Variants in CAMK2B observed in about 807,000 individuals in gnomAD.
The protein encoded by CAMK2B is calcium/calmodulin-dependent protein kinase type II subunit beta.
A neutral mutation model predicts 93.7 loss-of-function variants in CAMK2B; 27 were observed. That is an observed-to-expected ratio of 0.29 (90% CI 0.21 to 0.40). The LOEUF is 0.40. Among genes scored for constraint, CAMK2B ranks in the 10% least tolerant of loss-of-function variants. CAMK2B has a pLI of 1.00. For missense variants in CAMK2B, 568 were observed against 895.8 expected (o/e 0.63, Z 4.67); for synonymous variants, 374 against 358.8 (o/e 1.04, Z -0.48).
chr7:44,306,276 C>T (rs79936478), intron 1 of CAMK2B, among the ~76,000 whole-genome samples: 13,441 of 152,104 alleles, frequency 0.088, 810 homozygotes, highest in Non-Finnish European at 0.12. Flanking sequence ...TGGGAAGTTC[C>T]CCCTTCCAGG....
chr7:44,234,245 G>T lies in CAMK2B; in HGVS notation c.1131+145C>A, dbSNP rs914686257. 1.2e-5 allele frequency: 8 copies of T among 679,916 alleles called. No individual in the cohort carries two copies. In the African/African-American group the frequency reaches 1.5e-4, roughly 12 times the overall value. The allele number at this position is 679,916 out of a possible 1,614,324, so 42.1% of individuals were successfully genotyped here. A position where few individuals can be genotyped will look rare whatever the true frequency, so the allele number is the denominator to read the frequency against. ...TCTCTCCACTTCACCACCGGTGAGGGATGAGGGGCGGGGGCCATGCGAGTG... is the reference window on the plus strand; with the variant it reads ...TCTCTCCACTTCACCACCGGTGAGGTATGAGGGGCGGGGGCCATGCGAGTG... On this transcript the variant is annotated intron_variant, in intron 15 of 23. Transcript: ENST00000395749.
At chr7:44,263,157 C>T in intron 2 of CAMK2B, 93 bp from the exon 3 acceptor site, 1 of 1,218,114 alleles carries the variant, frequency 8.2e-7, no homozygotes. Context: ...AAGGGTGTGC[C>T]AGGGCCTCTG....
chr7:44,281,508 C>T (rs923455100), intron 2 of CAMK2B, among the ~76,000 whole-genome samples: 2 of 152,148 alleles, frequency 1.3e-5, no homozygotes, highest in Non-Finnish European at 2.9e-5. Flanking sequence ...AGAGGCAGCT[C>T]GGATCCTGTG....
At chr7:44,282,177 C>T (rs2097107448) in intron 2 of CAMK2B, among the ~76,000 whole-genome samples, 1 of 152,204 alleles carries the variant, frequency 6.6e-6, no homozygotes, top group Non-Finnish European at 1.5e-5. Context: ...ACCCAGAGAC[C>T]CACAGGAACT....
At chr7:44,282,735 G>A (rs902474903) in intron 2 of CAMK2B, among the ~76,000 whole-genome samples, 6 of 152,256 alleles carry the variant, frequency 3.9e-5, no homozygotes, top group African/African-American at 1.4e-4. Context: ...AAATGGCACA[G>A]GCCCGCCCCC....
rs1584905297 is a variant in CAMK2B, at chr7:44,312,967, G to T, written c.65+12390C>A. On this transcript the variant is annotated intron_variant, in intron 1 of 23. Transcript: ENST00000395749. This position sits in a 1 kb window ranked among gnomAD's most constrained non-coding sequence, Gnocchi z 4.1. ...GGTGGTAGGCAGTGGGCCCAGGACA[G>T]CTGGGTCCCCAGCTCTGTCGAAGGA... Among the ~76,000 whole-genome samples the T allele has an allele frequency of 6.6e-6, 1 of 152,236 alleles. No homozygotes were observed. The highest frequency in any genetic ancestry group is 2.4e-5 in the African/African-American group (1 of 41,538).
chr7:44,307,873 AT>A (rs201376130), intron 1 of CAMK2B, among the ~76,000 whole-genome samples: 23 of 150,878 alleles, frequency 1.5e-4, no homozygotes, highest in African/African-American at 4.4e-4. Context: ...GGTTTTGGCC[AT>A]TTTTTTTTAA....
In CAMK2B at chr7:44,220,164, G is replaced by A. The variant is rs56387313; in HGVS notation, c.1899C>T (p.Arg633=). 1.8e-4 allele frequency: 297 copies of A among 1,611,442 alleles called. 1 individual carries two copies. The East Asian group carries it at 5.3e-3, about 29-fold the overall frequency. ...TQYIDGQGRP[R]TSQSEETRVW... is the part of the protein sequence containing the mutation. ...CGCGGGTCTCCTCAGACTGGCTGGTGCGGGGCCGGCCCTGCCCGTCAATGT... is the reference window on the plus strand; with the variant it reads ...CGCGGGTCTCCTCAGACTGGCTGGTACGGGGCCGGCCCTGCCCGTCAATGT... Residue 633 remains arginine, a synonymous_variant, in exon 23 of 24, where the codon CGC becomes CGT. Transcript: ENST00000395749.
At position 44,286,790 on chromosome 7, in the gene CAMK2B, C is replaced by T. The variant is rs1584622587; in HGVS notation, c.66-2565G>A. On this transcript the variant is annotated intron_variant, in intron 1 of 23. Coordinates refer to ENST00000395749, the MANE Select transcript of CAMK2B (RefSeq NM_001220.5). This position sits in a 1 kb window ranked among gnomAD's most constrained non-coding sequence, Gnocchi z 4.0. ...GGGCAGGGAACACAGGTAAGACTGC[C>T]AGAGCCAGGGGGCCAAGGCCAGGCA... is the stretch of plus-strand genomic sequence containing the variant. 6.6e-6 allele frequency among the ~76,000 whole-genome samples: 1 copy of T among 152,202 alleles called. No homozygotes were observed. The highest frequency in any genetic ancestry group is 1.9e-4 in the East Asian group (1 of 5,180).
chr7:44,222,471 T>C (rs1411701754), intron 20 of CAMK2B, among the ~76,000 whole-genome samples: 1 of 152,002 alleles, frequency 6.6e-6, no homozygotes. Context: ...AGTCTCACTC[T>C]GTCACCCGGG....
At chr7:44,262,283 C>T (rs1019116296) in intron 3 of CAMK2B, among the ~76,000 whole-genome samples, 18 of 152,336 alleles carry the variant, frequency 1.2e-4, no homozygotes, top group African/African-American at 3.8e-4. Flanking sequence ...CACCTGACAG[C>T]TCCCCAGGTG....
chr7:44,324,441 C>T (rs1796955927), intron 1 of CAMK2B, among the ~76,000 whole-genome samples: 1 of 152,176 alleles, frequency 6.6e-6, no homozygotes, highest in Non-Finnish European at 1.5e-5. Context: ...AGACAGGAGG[C>T]CCCTGAGGCG....
chr7:44,282,304 G>A (rs144613326), intron 2 of CAMK2B, among the ~76,000 whole-genome samples: 1,912 of 152,262 alleles, frequency 0.013, 24 homozygotes, highest in Non-Finnish European at 0.021. Context: ...ACCCCACCAC[G>A]GGCTGGGCCC....
At chr7:44,269,014 C>T (rs1027997432) in intron 2 of CAMK2B, among the ~76,000 whole-genome samples, 20 of 152,192 alleles carry the variant, frequency 1.3e-4, no homozygotes, top group African/African-American at 4.1e-4. Flanking sequence ...TCCTGCCACG[C>T]CACCCTCATC....
Position 44,228,842 on chromosome 7 carries a change from G to A in CAMK2B, c.1422C>T (p.Pro474=), listed in dbSNP as rs1164943152. 6.7e-7 allele frequency: 1 copy of A among 1,502,026 alleles called. No homozygotes were observed. The highest frequency in any genetic ancestry group is 1.4e-5 in the African/African-American group (1 of 71,336). The allele number at this position is 1,502,026 out of a possible 1,614,324, so 93.0% of individuals were successfully genotyped here. ...PEAEGPLSAG[P]PPCLSPALLG... ...GGAGAGCCGGAGACAGGCAGGGCGG[G>A]GGCCCCGCTGAGAGGGGGCCCTCGG... Residue 474 remains proline (P), a synonymous_variant, in exon 19 of 24, where the codon CCC becomes CCT. Coordinates refer to ENST00000395749, the MANE Select transcript of CAMK2B (RefSeq NM_001220.5).
At position 44,286,959 on chromosome 7, in the gene CAMK2B, G is replaced by A. The variant is rs1785300217; in HGVS notation, c.66-2734C>T. The stretch of plus-strand genomic sequence containing the variant: ...GCAGACACTCAGCAGGAAGGGACCA[G>A]GGGTGCAGGGACCAGGGGTGCAGGG... On this transcript the variant is annotated intron_variant, in intron 1 of 23. Transcript: ENST00000395749. This position sits in a 1 kb window ranked among gnomAD's most constrained non-coding sequence, Gnocchi z 4.0. 6.6e-6 allele frequency among the ~76,000 whole-genome samples: 1 copy of A among 152,112 alleles called. No homozygotes were observed. Among genetic ancestry groups the A allele is most frequent in the South Asian group, 2.1e-4 (1 of 4,826 alleles).
chr7:44,239,766 G>C, intron 12 of CAMK2B, 103 bp from the exon 13 acceptor site: 1 of 819,344 alleles, frequency 1.2e-6, no homozygotes, highest in Non-Finnish European at 2.0e-6. Flanking sequence ...AGCAGAAGAA[G>C]ATTAGAGTTA....
intron 5 of CAMK2B, among the ~76,000 whole-genome samples, chr7:44,247,708 G>A (rs1440948118): frequency 3.9e-5 from 6 of 152,180 alleles, no homozygotes; most frequent in Non-Finnish European, 7.3e-5. Context: ...TAATGTGCTC[G>A]GGCACATGTT....
rs1185413134 is a variant in CAMK2B at position 44,219,365 on chromosome 7, G to GTTTTTTTT, written c.*152_*159dup. The GTTTTTTTT allele has an allele frequency of 2.4e-5, 1 of 42,114 alleles. No homozygotes were observed. Among genetic ancestry groups the GTTTTTTTT allele is most frequent in the Non-Finnish European group, 4.2e-5 (1 of 23,972 alleles). 2.6% of individuals were successfully genotyped at this position (42,114 alleles called of 1,614,324 possible). On this transcript the variant is annotated 3_prime_UTR_variant, in exon 24 of 24. Coordinates refer to ENST00000395749, the MANE Select transcript of CAMK2B (RefSeq NM_001220.5). ...TCTTGTTTTTTTTTTTTTTTTTTTT[G>GTTTTTTTT]TTTTTTTTTAACAAATCACATCTGG...
Sources: allele counts gnomAD v4.1 joint callset (sites outside exome capture counted in the v4.1 genomes callset), GRCh38; gene constraint gnomAD v4.1.1; non-coding constraint Gnocchi (gnomAD v3.1); transcripts MANE v1.5; gene names NCBI Gene and HGNC (gene_info 2026-07-23, HGNC 2026-07-21).